ARRDC2: variants seen among roughly 807,000 people sequenced by gnomAD.
The protein encoded by ARRDC2 is arrestin domain-containing protein 2.
ARRDC2 carries 39 observed loss-of-function variants against 38.9 expected under a neutral mutation model. The ratio of observed to expected loss-of-function variants is 1.00; its 90% CI spans 0.78 to 1.31. ARRDC2 has a LOEUF of 1.31. ARRDC2 is among the 50% of genes most tolerant of loss of function. The probability of loss-of-function intolerance (pLI) is 0.00; values close to 1 mark genes in which losing one functional copy is unlikely to be tolerated. For missense variants in ARRDC2, 553 were observed against 588.4 expected (o/e 0.94, Z 0.62); for synonymous variants, 300 against 261.9 (o/e 1.15, Z -1.41).
rs1322624401 is a variant in ARRDC2, at chr19:18,010,218, C to G, written c.872C>G (p.Thr291Arg). The G allele has an allele frequency of 6.2e-7, 1 of 1,613,544 alleles. No homozygotes were observed. The change falls in exon 6 of 8, where the codon ACG becomes AGG. Residue 291 changes from threonine to arginine, a missense_variant. Coordinates refer to ENST00000222250, the MANE Select transcript of ARRDC2 (RefSeq NM_015683.2). Reference protein sequence around the residue: ...ALKVCVDIPGTSKLLLELPLV... With the variant: ...ALKVCVDIPGRSKLLLELPLV... Reference sequence around the variant, plus strand: ...CAGGTCTGTGTGGATATCCCAGGAACGTCCAAGCTGCTGCTGGAGCTGCCA... The same window carrying G: ...CAGGTCTGTGTGGATATCCCAGGAAGGTCCAAGCTGCTGCTGGAGCTGCCA...
upstream of ARRDC2, among the ~76,000 whole-genome samples, chr19:18,005,956 G>A (rs557478093): frequency 9.3e-5 from 14 of 151,342 alleles, no homozygotes; most frequent in East Asian, 1.8e-3. Context: ...ACGGGGTCGC[G>A]GCCGGGCCGA....
upstream of ARRDC2, chr19:18,008,116 A>ACCCCCCCCCCCCCCCCCCCCCCCCC: frequency 1.9e-6 from 1 of 522,500 alleles, no homozygotes; most frequent in South Asian, 2.0e-5. Context: ...AGAGACGGTG[A>ACCCCCCCCCCCCCCCCCCCCCCCCC]CCCCACCCCC....
rs965948725 is a variant in ARRDC2 at position 18,009,936 on chromosome 19, G to T, written c.746G>T (p.Gly249Val). ...VVASLAGEPV[G>V]PGQRALWQGR... ...GCCAGCCTCGCGGGCGAGCCGGTGG[G>T]CCCCGGGCAGCGGGCGCTGTGGCAG... Residue 249 changes from glycine to valine, a missense_variant, in exon 5 of 8, where the codon GGC (glycine) becomes GTC (valine). This residue lies in a region of ARRDC2 where 447 missense variants were observed against 456.6 expected (regional missense o/e 0.98). Coordinates refer to ENST00000222250, the MANE Select transcript of ARRDC2 (RefSeq NM_015683.2). 9 of 1,605,846 alleles carry T rather than the reference G, an allele frequency of 5.6e-6. No individual in the cohort carries two copies. In the South Asian group the frequency reaches 6.6e-5, roughly 12 times the overall value.
Position 18,009,577 on chromosome 19 carries a change from C to A in ARRDC2, c.490-15C>A, listed in dbSNP as rs1365463301. 5 of 1,585,724 alleles carry A rather than the reference C, an allele frequency of 3.2e-6. No individual in the cohort carries two copies. Among genetic ancestry groups the A allele is most frequent in the South Asian group, 2.3e-5 (2 of 88,698 alleles). On this transcript the variant is annotated splice_polypyrimidine_tract_variant and intron_variant, in intron 3 of 7. Coordinates refer to ENST00000222250, the MANE Select transcript of ARRDC2 (RefSeq NM_015683.2). ...CAAAGTGACTCATCCATGTCACTTT[C>A]CTCTACACCGACAGGCACCTCAAGC...
chr19:18,011,679 A>G (rs1257914744), intron 7 of ARRDC2, among the ~76,000 whole-genome samples: 1 of 151,868 alleles, frequency 6.6e-6, no homozygotes, highest in Non-Finnish European at 1.5e-5. Flanking sequence ...CAACCTGGGT[A>G]ACATAGCAAG....
intron 7 of ARRDC2, among the ~76,000 whole-genome samples, chr19:18,011,764 C>T (rs1397502982): frequency 6.6e-6 from 1 of 151,426 alleles, no homozygotes; most frequent in East Asian, 2.0e-4. Context: ...GAGGCTGAGG[C>T]AGGAGGATCG....
chr19:18,006,536 G>T (rs2033282770), upstream of ARRDC2, among the ~76,000 whole-genome samples: 1 of 152,194 alleles, frequency 6.6e-6, no homozygotes, highest in South Asian at 2.1e-4. Context: ...GGAGAATCAG[G>T]CAGGGAGGTT....
At chr19:18,011,276 C>T (rs548907270) in intron 7 of ARRDC2, among the ~76,000 whole-genome samples, 3 of 152,038 alleles carry the variant, frequency 2.0e-5, no homozygotes, top group African/African-American at 4.8e-5. Flanking sequence ...GGATTATATG[C>T]GTGAGCTACC....
chr19:18,013,062 T>C lies in ARRDC2; in HGVS notation c.*96T>C, dbSNP rs2033446081. On this transcript the variant is annotated 3_prime_UTR_variant, in exon 8 of 8. Coordinates refer to ENST00000222250, the MANE Select transcript of ARRDC2 (RefSeq NM_015683.2). ...TGGACCAAGGGCTGACCTCCCCGACTGCATCAAAGTTGGGGAACCAAGTCT... is the reference window on the plus strand; with the variant it reads ...TGGACCAAGGGCTGACCTCCCCGACCGCATCAAAGTTGGGGAACCAAGTCT... 7.5e-7 allele frequency: 1 copy of C among 1,335,412 alleles called. No individual in the cohort carries two copies. The highest frequency in any genetic ancestry group is 1.5e-5 in the African/African-American group (1 of 68,254). The allele number at this position is 1,335,412 out of a possible 1,614,324, so 82.7% of individuals were successfully genotyped here.
upstream of ARRDC2, among the ~76,000 whole-genome samples, chr19:18,006,390 T>C (rs10405164): frequency 0.27 from 41,195 of 152,076 alleles, 6,083 homozygotes; most frequent in African/African-American, 0.39. Flanking sequence ...CTCGGGAGGC[T>C]GAGGCTGGTG....
At chr19:18,008,116 A>ACGCCCCCCCC, upstream of ARRDC2, 8 of 522,496 alleles carry the variant, frequency 1.5e-5, no homozygotes, top group Non-Finnish European at 2.3e-5. Flanking sequence ...AGAGACGGTG[A>ACGCCCCCCCC]CCCCACCCCC....
chr19:18,005,019 T>TAAAA (rs1568465358), upstream of ARRDC2, among the ~76,000 whole-genome samples: 2 of 150,028 alleles, frequency 1.3e-5, no homozygotes, highest in African/African-American at 5.0e-5. Flanking sequence ...AAAAAAAATT[T>TAAAA]TTTTTTTTTA....
In ARRDC2 at chr19:18,010,651, C is replaced by A; in HGVS notation, c.1092C>A (p.Asp364Glu). The A allele has an allele frequency of 1.9e-6, 3 of 1,613,870 alleles. No individual in the cohort carries two copies. The change falls in exon 7 of 8, where the codon GAC (aspartate) becomes GAA (glutamate). Residue 364 changes from aspartate (D) to glutamate (E), a missense_variant. Physicochemically the swap from Asp to Glu is conservative, Grantham distance 45 (BLOSUM62 2). Coordinates refer to ENST00000222250, the MANE Select transcript of ARRDC2 (RefSeq NM_015683.2). ...LGQSPFPLPQ[D>E]PDMSLEGPFF... ...AGAGCCCCTTCCCGCTTCCGCAGGA[C>A]CCCGACATGAGCCTTGAAGGCCCGT... is the stretch of plus-strand genomic sequence containing the variant.
chr19:18,004,910 G>A (rs2033241903), upstream of ARRDC2, among the ~76,000 whole-genome samples: 1 of 151,780 alleles, frequency 6.6e-6, no homozygotes, highest in Non-Finnish European at 1.5e-5. Flanking sequence ...TGAGGTGGAA[G>A]GGAGGCAGAG....
At chr19:18,001,505 T>G (rs1431771834) in exon 1 of ARRDC2, 3 of 1,379,616 alleles carry the variant, frequency 2.2e-6, no homozygotes, top group Non-Finnish European at 2.8e-6. Context: ...AGCGTGGGCG[T>G]CAACGCCGTA....
In ARRDC2 at chr19:18,013,889, A is replaced by T. The variant is rs545508420; in HGVS notation, c.*923A>T. On this transcript the variant is annotated 3_prime_UTR_variant, in exon 8 of 8. Transcript: ENST00000222250. The stretch of plus-strand genomic sequence containing the variant: ...CACCCCTGGGGACAGAGGTCAGCCT[A>T]AGGTGACACACGGGGACTACTGTGC... 6.6e-6 allele frequency: 1 copy of T among 152,258 alleles called. No homozygotes were observed. Among genetic ancestry groups the T allele is most frequent in the Admixed American group, 6.5e-5 (1 of 15,294 alleles). 9.4% of individuals were successfully genotyped at this position (152,258 alleles called of 1,614,324 possible). A position where few individuals can be genotyped will look rare whatever the true frequency, so the allele number is the denominator to read the frequency against.
chr19:18,009,177 C>A, intron 3 of ARRDC2, 59 bp downstream of exon 3: 2 of 1,578,472 alleles, frequency 1.3e-6, no homozygotes, highest in Non-Finnish European at 8.6e-7. Context: ...GCCTGCCTGG[C>A]TGCTGGGCGA....
exon 1 of ARRDC2, chr19:18,001,553 G>A: frequency 5.1e-6 from 7 of 1,371,074 alleles, no homozygotes; most frequent in South Asian, 1.6e-5. Flanking sequence ...TACCTGCGGC[G>A]TCGGCAGCTG....
In ARRDC2 at chr19:18,013,230, C is replaced by T; in HGVS notation, c.*264C>T. The stretch of plus-strand genomic sequence containing the variant: ...GAGACTGTTTAATAACCTGTCTTCC[C>T]AGCCAATTGGTGGTGCTGGAATCCC... On this transcript the variant is annotated 3_prime_UTR_variant, in exon 8 of 8. Transcript: ENST00000222250. 2.2e-6 allele frequency: 1 copy of T among 452,402 alleles called. No individual in the cohort carries two copies. The highest frequency in any genetic ancestry group is 4.0e-6 in the Non-Finnish European group (1 of 253,128). 28.0% of individuals were successfully genotyped at this position (452,402 alleles called of 1,614,324 possible). A position where few individuals can be genotyped will look rare whatever the true frequency, so the allele number is the denominator to read the frequency against.
Sources: gnomAD v4.1 joint callset for allele counts (sites outside exome capture counted in the v4.1 genomes callset) on GRCh38, gnomAD v4.1.1 for gene constraint, gnomAD v4.1.1 regional missense constraint, MANE v1.5 for transcripts, NCBI Gene and HGNC (gene_info 2026-07-23, HGNC 2026-07-21) for gene names.